CSMD1: variants seen among roughly 807,000 people sequenced by gnomAD.
The protein encoded by CSMD1 is CUB and Sushi multiple domains 1, also known as CUB and sushi domain-containing protein 1.
In CSMD1, 213 loss-of-function variants were observed where a neutral mutation model predicts 417.5. That is an observed-to-expected ratio of 0.51 (90% CI 0.46 to 0.57). CSMD1 has a LOEUF of 0.57. CSMD1 is among the 20% of genes least tolerant of loss of function. CSMD1 has a pLI of 0.00. For missense variants in CSMD1, 6,923 were observed against 4,529.7 expected (o/e 1.53, Z -15.17); for synonymous variants, 2,862 against 1,736.8 (o/e 1.65, Z -16.11).
At position 2,962,591 on chromosome 8, in the gene CSMD1, C is replaced by T; in HGVS notation, c.9503G>A (p.Gly3168Glu). 1 of 1,613,792 alleles carries T rather than the reference C, an allele frequency of 6.2e-7. No homozygotes were observed. Among genetic ancestry groups the T allele is most frequent in the Non-Finnish European group, 8.5e-7 (1 of 1,179,824 alleles). ...PGIPAEGRLS[G>E]KSFTYKSEVF... ...TTCGGACTTATAGGTGAAACTTTTC[C>T]CACTAAGTCGCCCTTCTGCGGGGAT... The change falls in exon 61 of 70, where the codon GGG becomes GAG. Residue 3168 changes from glycine to glutamate, a missense_variant. Gly to Glu is a moderately conservative substitution (Grantham distance 98). Transcript: ENST00000635120.
At position 3,751,299 on chromosome 8, in the gene CSMD1, A is replaced by AGTGTGTGT. The variant is rs67753470; in HGVS notation, c.931+2623_931+2630dup. Among the ~76,000 whole-genome samples the AGTGTGTGT allele has an allele frequency of 3.4e-3, 476 of 140,278 alleles. 1 individual carries two copies. The highest frequency in any genetic ancestry group is 3.8e-3 in the African/African-American group (145 of 38,086). 92.0% of individuals were successfully genotyped at this position (140,278 alleles called of 152,430 possible). On this transcript the variant is annotated intron_variant, in intron 6 of 69. Coordinates refer to ENST00000635120, the MANE Select transcript of CSMD1 (RefSeq NM_033225.6). ...CCTCTCTCCTTATATATACAATTGA[A>AGTGTGTGT]GTGTGTGTGTGTGTGTGTGTGTGTG...
intron 3 of CSMD1, among the ~76,000 whole-genome samples, chr8:4,161,150 T>C (rs1584934272): frequency 2.0e-5 from 3 of 151,892 alleles, no homozygotes; most frequent in South Asian, 2.1e-4. Context: ...TCTTAAGACA[T>C]GATAAAAGTT....
chr8:4,408,920 C>T (rs1796493921), intron 3 of CSMD1, among the ~76,000 whole-genome samples: 1 of 152,116 alleles, frequency 6.6e-6, no homozygotes, highest in South Asian at 2.1e-4. Flanking sequence ...GTAGCAAGAA[C>T]ATCAGAAATC....
intron 1 of CSMD1, among the ~76,000 whole-genome samples, chr8:4,969,654 C>G (rs1480697196): frequency 6.6e-6 from 1 of 151,900 alleles, no homozygotes; most frequent in Admixed American, 6.6e-5. Flanking sequence ...CATTTTGAGC[C>G]CATTGATTTC....
intron 3 of CSMD1, among the ~76,000 whole-genome samples, chr8:4,075,945 G>C (rs889869374): frequency 6.6e-6 from 1 of 152,044 alleles, no homozygotes; most frequent in African/African-American, 2.4e-5. Context: ...AAATAAATCA[G>C]TACTCTTTCC....
At chr8:4,128,704 C>T (rs1183358329) in intron 3 of CSMD1, among the ~76,000 whole-genome samples, 1 of 152,140 alleles carries the variant, frequency 6.6e-6, no homozygotes, top group South Asian at 2.1e-4. Context: ...CGCCCACACA[C>T]TGTCCACTCA....
intron 3 of CSMD1, among the ~76,000 whole-genome samples, chr8:4,207,359 T>C (rs1800039996): frequency 6.6e-6 from 1 of 152,158 alleles, no homozygotes. Flanking sequence ...CAAATTAGCT[T>C]AATAGTTTAG....
At chr8:3,822,797 G>A (rs1585048391) in intron 5 of CSMD1, among the ~76,000 whole-genome samples, 1 of 152,076 alleles carries the variant, frequency 6.6e-6, no homozygotes, top group South Asian at 2.1e-4. Flanking sequence ...GTTGATTTGT[G>A]GAACAGAACT....
At chr8:4,319,653 G>C (rs183917322) in intron 3 of CSMD1, among the ~76,000 whole-genome samples, 41 of 152,196 alleles carry the variant, frequency 2.7e-4, no homozygotes, top group African/African-American at 8.7e-4. Context: ...TCACTGCCTG[G>C]AAAGAGAGGC....
At chr8:4,907,321 C>A (rs1234865055) in intron 1 of CSMD1, among the ~76,000 whole-genome samples, 1 of 152,148 alleles carries the variant, frequency 6.6e-6, no homozygotes, top group Non-Finnish European at 1.5e-5. Flanking sequence ...AGAACTCTCT[C>A]GCTATTAACC....
At chr8:4,855,428 A>G (rs1055308659) in intron 1 of CSMD1, among the ~76,000 whole-genome samples, 24 of 152,306 alleles carry the variant, frequency 1.6e-4, no homozygotes, top group African/African-American at 5.3e-4. Flanking sequence ...GACTTTGACG[A>G]GCTGAGAGAA....
chr8:4,960,662 T>C (rs11984699), intron 1 of CSMD1, among the ~76,000 whole-genome samples: 100,064 of 152,060 alleles, frequency 0.66, 33,990 homozygotes, highest in Non-Finnish European at 0.74. Flanking sequence ...TGTACATCCA[T>C]TCATACGTAC....
At chr8:3,178,476 G>A (rs1166762957) in intron 37 of CSMD1, among the ~76,000 whole-genome samples, 1 of 152,018 alleles carries the variant, frequency 6.6e-6, no homozygotes, top group Non-Finnish European at 1.5e-5. Context: ...TCACCTTCCT[G>A]GTAGGGTAGT....
chr8:4,808,106 A>C (rs1366269187), intron 1 of CSMD1, among the ~76,000 whole-genome samples: 1 of 152,134 alleles, frequency 6.6e-6, no homozygotes, highest in Non-Finnish European at 1.5e-5. Flanking sequence ...ACTTGCAATT[A>C]TGTTTCCTGG....
chr8:4,814,644 T>C (rs1585144779), intron 1 of CSMD1, among the ~76,000 whole-genome samples: 1 of 152,200 alleles, frequency 6.6e-6, no homozygotes, highest in East Asian at 1.9e-4. Context: ...TCATGTGCTG[T>C]ATACTAGTAG....
At chr8:4,533,731 A>G (rs548369441) in intron 2 of CSMD1, among the ~76,000 whole-genome samples, 1 of 152,072 alleles carries the variant, frequency 6.6e-6, no homozygotes, top group South Asian at 2.1e-4. Flanking sequence ...ACCTAAAAAT[A>G]CAATGGAATT....
intron 1 of CSMD1, among the ~76,000 whole-genome samples, chr8:4,682,379 G>A (rs1453746479): frequency 6.6e-6 from 1 of 152,040 alleles, no homozygotes; most frequent in Non-Finnish European, 1.5e-5. Flanking sequence ...TAAATTACTT[G>A]TTGTGTATCT....
At chr8:4,849,007 C>G (rs1193527270) in intron 1 of CSMD1, among the ~76,000 whole-genome samples, 1 of 151,550 alleles carries the variant, frequency 6.6e-6, no homozygotes, top group Admixed American at 6.6e-5. Flanking sequence ...GAGAATAAAG[C>G]GTTGTCATCC....
chr8:4,785,341 G>A (rs1436799399), intron 1 of CSMD1, among the ~76,000 whole-genome samples: 1 of 152,122 alleles, frequency 6.6e-6, no homozygotes, highest in South Asian at 2.1e-4. Flanking sequence ...TTTGCTCTTA[G>A]GCTGATGGTG....
Sources: allele counts gnomAD v4.1 joint callset (sites outside exome capture counted in the v4.1 genomes callset), GRCh38; gene constraint gnomAD v4.1.1; transcripts MANE v1.5; gene names NCBI Gene and HGNC (gene_info 2026-07-23, HGNC 2026-07-21).